QTRT2: variants seen among roughly 807,000 people sequenced by gnomAD.
The protein encoded by QTRT2 is queuine tRNA-ribosyltransferase accessory subunit 2, also known as queuine tRNA-ribosyltransferase domain containing 1.
A neutral mutation model predicts 44.8 loss-of-function variants in QTRT2; 32 were observed. The observed-to-expected ratio is 0.71, with a 90% CI of 0.54 to 0.96. QTRT2 has a LOEUF of 0.96. QTRT2 is among the 40% of genes least tolerant of loss of function. The pLI is 0.00. For missense variants in QTRT2, 461 were observed against 503.1 expected, an observed-to-expected ratio of 0.92 and a Z score of 0.80; for synonymous variants, 182 against 187.4, an observed-to-expected ratio of 0.97 and a Z score of 0.24.
chr3:114,082,414 C>T (rs936330508), intron 8 of QTRT2: 5 of 207,940 alleles, frequency 2.4e-5, no homozygotes, highest in Non-Finnish European at 4.9e-5. Context: ...CTTGATGATA[C>T]GATTATATGT....
intron 4 of QTRT2, among the ~76,000 whole-genome samples, chr3:114,067,619 G>A (rs954446322): frequency 3.9e-5 from 6 of 151,986 alleles, no homozygotes; most frequent in Non-Finnish European, 5.9e-5. Context: ...TTATCTTTGC[G>A]GTAGCTAGTT....
In QTRT2 at chr3:114,088,035, G is replaced by A. The variant is rs1288418762; in HGVS notation, c.*2131G>A. 1.3e-5 allele frequency: 2 copies of A among 152,148 alleles called. No individual in the cohort carries two copies. The highest frequency in any genetic ancestry group is 2.9e-5 in the Non-Finnish European group (2 of 68,016). 9.4% of individuals were successfully genotyped at this position (152,148 alleles called of 1,614,324 possible). A position where few individuals can be genotyped will look rare whatever the true frequency, so the allele number is the denominator to read the frequency against. The stretch of plus-strand genomic sequence containing the variant: ...ATGGGCATCCTCATAACTCTTCCAT[G>A]AATGGCAAGGGGTACTTATGGAAAA... On this transcript the variant is annotated 3_prime_UTR_variant, in exon 10 of 10. Transcript: ENST00000281273.
intron 2 of QTRT2, among the ~76,000 whole-genome samples, chr3:114,062,843 T>C (rs1194671888): frequency 2.0e-5 from 3 of 152,228 alleles, no homozygotes; most frequent in African/African-American, 7.2e-5. Context: ...CCAATGAAGG[T>C]TCTTCGTGCC....
chr3:114,084,060 C>CTTTTTTT (rs36088762), intron 9 of QTRT2, among the ~76,000 whole-genome samples: 2 of 134,772 alleles, frequency 1.5e-5, no homozygotes, highest in Non-Finnish European at 3.2e-5. Flanking sequence ...TCACTTTTTT[C>CTTTTTTT]TTTTTTTTTT....
intron 6 of QTRT2, among the ~76,000 whole-genome samples, chr3:114,076,501 A>G (rs964838363): frequency 1.3e-5 from 2 of 152,322 alleles, no homozygotes; most frequent in Middle Eastern, 6.8e-3. Flanking sequence ...ACAAGACTGC[A>G]TATGTTGAAT....
At chr3:114,081,400 A>C (rs1170624140) in intron 8 of QTRT2, among the ~76,000 whole-genome samples, 1 of 151,604 alleles carries the variant, frequency 6.6e-6, no homozygotes, top group African/African-American at 2.4e-5. Flanking sequence ...CCCAGGCTGG[A>C]GTGTAGTGGT....
Position 114,056,790 on chromosome 3 carries a change from T to C in QTRT2, c.-204T>C, listed in dbSNP as rs2076795625. On this transcript the variant is annotated 5_prime_UTR_variant, in exon 1 of 10. Transcript: ENST00000281273. ...GGCAGTGATTTTGGGGCAGAGAATTTTGCAACACGTGGTAGTGAACTGTGA... is the reference window on the plus strand; with the variant it reads ...GGCAGTGATTTTGGGGCAGAGAATTCTGCAACACGTGGTAGTGAACTGTGA... The C allele has an allele frequency of 6.6e-7, 1 of 1,523,904 alleles. No homozygotes were observed. Among genetic ancestry groups the C allele is most frequent in the South Asian group, 1.2e-5 (1 of 82,682 alleles). 94.4% of individuals were successfully genotyped at this position (1,523,904 alleles called of 1,614,324 possible).
At position 114,076,744 on chromosome 3, in the gene QTRT2, T is replaced by C. The variant is rs1372357203; in HGVS notation, c.548T>C (p.Val183Ala). 6.2e-7 allele frequency: 1 copy of C among 1,614,012 alleles called. No individual in the cohort carries two copies. The highest frequency in any genetic ancestry group is 2.2e-5 in the East Asian group (1 of 44,888). ...AACATATCATCCTTCTTACCTCAGG[T>C]TCTTCAGAAGAGTGTGATCATTGGA... ...NCLRLQEESE[V>A]LQKSVIIGVI... The change falls in exon 7 of 10, where the codon GTT becomes GCT. Residue 183 changes from valine (V) to alanine (A), a missense_variant and splice_region_variant. Coordinates refer to ENST00000281273, the MANE Select transcript of QTRT2 (RefSeq NM_024638.4).
intron 2 of QTRT2, among the ~76,000 whole-genome samples, chr3:114,058,797 C>G (rs1196163231): frequency 6.6e-6 from 1 of 152,182 alleles, no homozygotes; most frequent in Non-Finnish European, 1.5e-5. Context: ...TCCCAGAGTG[C>G]TGGGATTACA....
intron 5 of QTRT2, among the ~76,000 whole-genome samples, chr3:114,070,283 A>G (rs1408119396): frequency 6.6e-6 from 1 of 152,178 alleles, no homozygotes; most frequent in Admixed American, 6.5e-5. Flanking sequence ...AAAAAGAAAA[A>G]GAAATACGGA....
At chr3:114,059,160 G>A (rs999044164) in intron 2 of QTRT2, among the ~76,000 whole-genome samples, 1 of 152,206 alleles carries the variant, frequency 6.6e-6, no homozygotes, top group African/African-American at 2.4e-5. Context: ...GTACGGTGTT[G>A]CCAGAAGTGC....
At chr3:114,066,675 C>A (rs996985808) in intron 4 of QTRT2, 4 of 160,182 alleles carry the variant, frequency 2.5e-5, no homozygotes, top group Non-Finnish European at 5.5e-5. Flanking sequence ...AGAAAGGATT[C>A]TTGAGAGAGA....
chr3:114,056,948 G>T (rs534879580), intron 1 of QTRT2, 51 bp from the exon 2 acceptor site: 14 of 1,502,168 alleles, frequency 9.3e-6, no homozygotes, highest in Admixed American at 6.6e-5. Context: ...TGGTTGTGTT[G>T]CAGTAACGGT....
chr3:114,076,887 G>A lies in QTRT2; in HGVS notation c.691G>A (p.Ala231Thr), dbSNP rs1187506854. 1 of 1,614,190 alleles carries A rather than the reference G, an allele frequency of 6.2e-7. No homozygotes were observed. Among genetic ancestry groups the A allele is most frequent in the Non-Finnish European group, 8.5e-7 (1 of 1,180,038 alleles). Residue 231 changes from alanine to threonine, a missense_variant, in exon 7 of 10, where the codon GCT becomes ACT. Physicochemically the swap from Ala to Thr is moderately conservative, Grantham distance 58. Coordinates refer to ENST00000281273, the MANE Select transcript of QTRT2 (RefSeq NM_024638.4). ...GFQGNPTTLE[A>T]RLRLLSSVTA... ...TCAAGGAAATCCAACAACCCTGGAG[G>A]CTAGACTACGCTTGCTGTCATCAGT...
chr3:114,079,101 C>T (rs2107803018), intron 7 of QTRT2: 1 of 152,272 alleles, frequency 6.6e-6, no homozygotes, highest in South Asian at 2.1e-4. Flanking sequence ...ATAAAGCACA[C>T]AGCTTTGCAC....
At position 114,076,724 on chromosome 3, in the gene QTRT2, A is replaced by T; in HGVS notation, c.547-19A>T. On this transcript the variant is annotated intron_variant, in intron 6 of 9. Transcript: ENST00000281273. ...TCATACTGAAAATGGTTAAAAACAT[A>T]TCATCCTTCTTACCTCAGGTTCTTC... 6.2e-7 allele frequency: 1 copy of T among 1,612,130 alleles called. No homozygotes were observed. The highest frequency in any genetic ancestry group is 8.5e-7 in the Non-Finnish European group (1 of 1,178,202).
At chr3:114,063,040 G>A (rs778056748) in intron 2 of QTRT2, among the ~76,000 whole-genome samples, 5 of 152,314 alleles carry the variant, frequency 3.3e-5, no homozygotes, top group South Asian at 2.1e-4. Context: ...GTTCTCAGAC[G>A]TATGTGATAG....
chr3:114,083,515 A>G (rs1162992840), intron 9 of QTRT2, among the ~76,000 whole-genome samples: 1 of 152,188 alleles, frequency 6.6e-6, no homozygotes, highest in Non-Finnish European at 1.5e-5. Flanking sequence ...CGGAACCTAT[A>G]TCTTGTAATT....
At position 114,076,953 on chromosome 3, in the gene QTRT2, G is replaced by A. The variant is rs1268927775; in HGVS notation, c.746+11G>A. The stretch of plus-strand genomic sequence containing the variant: ...GGAGGACAAGCCAAGGCCAGTGTTC[G>A]GTTAGGACACAGGCTGGCCTCAAGG... On this transcript the variant is annotated intron_variant, in intron 7 of 9. Transcript: ENST00000281273. 4 of 1,612,966 alleles carry A rather than the reference G, an allele frequency of 2.5e-6. No homozygotes were observed. Among genetic ancestry groups the A allele is most frequent in the East Asian group, 2.2e-5 (1 of 44,852 alleles).
Sources: gnomAD v4.1 joint callset for allele counts (sites outside exome capture counted in the v4.1 genomes callset) on GRCh38, gnomAD v4.1.1 for gene constraint, MANE v1.5 for transcripts, NCBI Gene and HGNC (gene_info 2026-07-23, HGNC 2026-07-21) for gene names.